Variants in ZNF385B observed in about 807,000 individuals in gnomAD.
The protein encoded by ZNF385B is zinc finger protein 385B, also known as zinc finger protein 533.
Under a neutral mutation model 39.2 loss-of-function variants are expected in ZNF385B, and 23 were observed. The observed-to-expected ratio is 0.59, with a 90% CI of 0.42 to 0.83. The LOEUF is 0.83. ZNF385B is among the 40% of genes least tolerant of loss of function. The pLI is 0.00. For synonymous variants in ZNF385B, 205 were observed against 222.6 expected (o/e 0.92, Z 0.70); for missense variants, 552 against 598.9 (o/e 0.92, Z 0.82).
intron 1 of ZNF385B, among the ~76,000 whole-genome samples, chr2:179,854,452 T>C (rs578186248): frequency 1.1e-3 from 160 of 151,124 alleles, no homozygotes; most frequent in African/African-American, 3.6e-3. Flanking sequence ...TCCTTACCTA[T>C]TATTAGGCTG....
At chr2:179,777,851 C>A (rs370850048) in intron 1 of ZNF385B, among the ~76,000 whole-genome samples, 5 of 151,024 alleles carry the variant, frequency 3.3e-5, no homozygotes, top group African/African-American at 1.2e-4. Context: ...CGGCACACTG[C>A]AACCTCTGCC....
At chr2:179,474,413 G>A (rs1262012998) in intron 6 of ZNF385B, among the ~76,000 whole-genome samples, 1 of 151,994 alleles carries the variant, frequency 6.6e-6, no homozygotes, top group African/African-American at 2.4e-5. Context: ...AACATAATTA[G>A]TATGTTACTT....
intron 3 of ZNF385B, among the ~76,000 whole-genome samples, chr2:179,712,866 T>C (rs759115893): frequency 6.6e-6 from 1 of 152,200 alleles, no homozygotes; most frequent in Admixed American, 6.5e-5. Flanking sequence ...ATTTAGACTT[T>C]GTTATGGTGT....
intron 3 of ZNF385B, among the ~76,000 whole-genome samples, chr2:179,572,282 T>C (rs1262225538): frequency 6.6e-6 from 1 of 152,120 alleles, no homozygotes; most frequent in African/African-American, 2.4e-5. Context: ...CATAGTGTAC[T>C]AGGTGTTAAG....
Position 179,691,515 on chromosome 2 carries a change from C to T in ZNF385B, c.298+77988G>A, listed in dbSNP as rs537451796. 5.9e-5 allele frequency among the ~76,000 whole-genome samples: 9 copies of T among 152,168 alleles called. No individual in the cohort carries two copies. In the South Asian group the frequency reaches 8.3e-4, roughly 14 times the overall value. On this transcript the variant is annotated intron_variant, in intron 3 of 9. Coordinates refer to ENST00000410066, the MANE Select transcript of ZNF385B (RefSeq NM_152520.6). ...AGTGATCTAGATACTGGAGAAACTC[C>T]GAGGAACAAAAACACACAGAACCTC...
At chr2:179,444,019 G>A (rs1419902375) in intron 9 of ZNF385B, among the ~76,000 whole-genome samples, 1 of 152,224 alleles carries the variant, frequency 6.6e-6, no homozygotes, top group African/African-American at 2.4e-5. Flanking sequence ...TCAAATTTCT[G>A]TTGTTGAGAA....
chr2:179,520,293 T>C (rs1411965172), intron 4 of ZNF385B, among the ~76,000 whole-genome samples: 1 of 152,074 alleles, frequency 6.6e-6, no homozygotes, highest in African/African-American at 2.4e-5. Context: ...GTCAATTTTA[T>C]ATATTATAAT....
At chr2:179,616,680 C>T (rs536003214) in intron 3 of ZNF385B, among the ~76,000 whole-genome samples, 106 of 152,276 alleles carry the variant, frequency 7.0e-4, no homozygotes, top group Non-Finnish European at 1.3e-3. Context: ...TCACCTCAGC[C>T]TCCTGAGTAG....
intron 3 of ZNF385B, among the ~76,000 whole-genome samples, chr2:179,622,001 AT>A (rs945615190): frequency 6.6e-6 from 1 of 152,140 alleles, no homozygotes; most frequent in African/African-American, 2.4e-5. Flanking sequence ...ATTTACCAGG[AT>A]TTTTATCTCT....
intron 7 of ZNF385B, 46 bp from the exon 8 acceptor site, chr2:179,445,774 A>G: frequency 6.7e-7 from 1 of 1,490,496 alleles, no homozygotes; most frequent in Non-Finnish European, 8.9e-7. Flanking sequence ...CAAGAATTAT[A>G]TAAAGCTCTT....
chr2:179,599,642 C>T (rs1396786037), intron 3 of ZNF385B, among the ~76,000 whole-genome samples: 1 of 151,910 alleles, frequency 6.6e-6, no homozygotes, highest in Non-Finnish European at 1.5e-5. Flanking sequence ...AAGTAGGTAC[C>T]CAATAAACAT....
chr2:179,443,096 A>T lies in ZNF385B; in HGVS notation c.*154T>A, dbSNP rs956057290. Reference sequence around the variant, plus strand: ...TCTAAAAGCCCTCGTCAATCTAGTGATGTGTTTCTCTCTGGAATTGGGGGA... The same window carrying T: ...TCTAAAAGCCCTCGTCAATCTAGTGTTGTGTTTCTCTCTGGAATTGGGGGA... On this transcript the variant is annotated 3_prime_UTR_variant, in exon 10 of 10. Coordinates refer to ENST00000410066, the MANE Select transcript of ZNF385B (RefSeq NM_152520.6). 29 of 799,712 alleles carry T rather than the reference A, an allele frequency of 3.6e-5. No individual in the cohort carries two copies. The highest frequency in any genetic ancestry group is 5.9e-5 in the Non-Finnish European group (28 of 474,788). 49.5% of individuals were successfully genotyped at this position (799,712 alleles called of 1,614,324 possible). A position where few individuals can be genotyped will look rare whatever the true frequency, so the allele number is the denominator to read the frequency against.
intron 4 of ZNF385B, among the ~76,000 whole-genome samples, chr2:179,530,841 A>T (rs1270815650): frequency 6.6e-6 from 1 of 152,208 alleles, no homozygotes; most frequent in Non-Finnish European, 1.5e-5. Flanking sequence ...CAAATTAACA[A>T]ATGTGCAGTG....
At chr2:179,611,602 T>C (rs1689295859) in intron 3 of ZNF385B, among the ~76,000 whole-genome samples, 1 of 152,162 alleles carries the variant, frequency 6.6e-6, no homozygotes. Flanking sequence ...TTTTGAATAG[T>C]TTGAATAGGA....
chr2:179,569,712 C>A (rs1684996023), intron 3 of ZNF385B, among the ~76,000 whole-genome samples: 1 of 152,182 alleles, frequency 6.6e-6, no homozygotes, highest in African/African-American at 2.4e-5. Flanking sequence ...GTGCTTTCTG[C>A]ACAGTATTGG....
chr2:179,511,618 T>C (rs1258469205), intron 5 of ZNF385B, among the ~76,000 whole-genome samples: 2 of 152,164 alleles, frequency 1.3e-5, no homozygotes, highest in African/African-American at 2.4e-5. Context: ...TCTGAAATCT[T>C]ATAGAGATTT....
chr2:179,463,015 T>C (rs2051527562), intron 6 of ZNF385B, among the ~76,000 whole-genome samples: 1 of 152,266 alleles, frequency 6.6e-6, no homozygotes, highest in Non-Finnish European at 1.5e-5. Flanking sequence ...ATTAGAAACA[T>C]ATATAATAAA....
rs1275582378 is a variant in ZNF385B, at chr2:179,446,776, A to G, written c.716-6T>C. The stretch of plus-strand genomic sequence containing the variant: ...TTTTAACTTCCCTTTATCTTCTAAG[A>G]GAAACACAGAGAGATCTTATTGAAG... On this transcript the variant is annotated splice_region_variant and splice_polypyrimidine_tract_variant and intron_variant, in intron 6 of 9. Transcript: ENST00000410066. The G allele has an allele frequency of 1.2e-6, 2 of 1,602,120 alleles. No homozygotes were observed. The highest frequency in any genetic ancestry group is 1.3e-5 in the African/African-American group (1 of 74,154).
At chr2:179,779,258 G>T (rs143723350) in intron 1 of ZNF385B, among the ~76,000 whole-genome samples, 47 of 152,326 alleles carry the variant, frequency 3.1e-4, no homozygotes, top group East Asian at 2.9e-3. Context: ...GAAAAACACT[G>T]CAGGCAAAGG....
Sources: allele counts gnomAD v4.1 joint callset (sites outside exome capture counted in the v4.1 genomes callset), GRCh38; gene constraint gnomAD v4.1.1; transcripts MANE v1.5; gene names NCBI Gene and HGNC (gene_info 2026-07-23, HGNC 2026-07-21).